CRELD2: variants seen among roughly 807,000 people sequenced by gnomAD.
The protein encoded by CRELD2 is protein disulfide isomerase CRELD2.
Under a neutral mutation model 48.1 loss-of-function variants are expected in CRELD2, and 33 were observed. That is an observed-to-expected ratio of 0.69 (90% CI 0.52 to 0.92). The LOEUF (loss-of-function observed/expected upper bound fraction) is 0.92, where lower values mean the gene tolerates loss of function less well. Among genes scored for constraint, CRELD2 ranks in the 40% least tolerant of loss-of-function variants. The probability of loss-of-function intolerance (pLI) is 0.00; values close to 1 mark genes in which losing one functional copy is unlikely to be tolerated. For missense variants in CRELD2, 477 were observed against 482.4 expected, an observed-to-expected ratio of 0.99 and a Z score of 0.10; for synonymous variants, 220 against 203.9, an observed-to-expected ratio of 1.08 and a Z score of -0.67.
chr22:49,927,517 C>G lies in CRELD2; in HGVS notation c.*210C>G. ...TACAGTTCTTTGTAATAAAATTGAC[C>G]ATTGTAGGTAATCAGGAGGAGAACG... On this transcript the variant is annotated 3_prime_UTR_variant, in exon 10 of 10. Coordinates refer to ENST00000328268, the MANE Select transcript of CRELD2 (RefSeq NM_024324.5). The G allele has an allele frequency of 1.7e-6, 1 of 571,854 alleles. No homozygotes were observed. The highest frequency in any genetic ancestry group is 3.2e-6 in the Non-Finnish European group (1 of 316,922). 35.4% of individuals were successfully genotyped at this position (571,854 alleles called of 1,614,324 possible).
At position 49,925,413 on chromosome 22, in the gene CRELD2, T is replaced by C. The variant is rs751900258; in HGVS notation, c.869-4T>C. On this transcript the variant is annotated splice_polypyrimidine_tract_variant and splice_region_variant and intron_variant, in intron 8 of 9. Coordinates refer to ENST00000328268, the MANE Select transcript of CRELD2 (RefSeq NM_024324.5). ...ATTATTAAAACGGAGTCTTTTCATT[T>C]TAGATGTGGACGAGTGCTCACTAGC... 1.3e-6 allele frequency: 2 copies of C among 1,580,254 alleles called. No homozygotes were observed. The highest frequency in any genetic ancestry group is 8.7e-7 in the Non-Finnish European group (1 of 1,155,288).
intron 3 of CRELD2, among the ~76,000 whole-genome samples, 158 bp downstream of exon 3, chr22:49,919,998 G>A (rs1024368949): frequency 6.6e-6 from 1 of 152,136 alleles, no homozygotes; most frequent in African/African-American, 2.4e-5. Flanking sequence ...CAGAGTCAGC[G>A]ATCAAAACCA....
intron 8 of CRELD2, chr22:49,925,194 C>A (rs2060747557): frequency 2.3e-6 from 1 of 428,704 alleles, no homozygotes. Flanking sequence ...TCCGGCCCCA[C>A]CTGGAGGTCT....
In CRELD2 at chr22:49,923,280, G is replaced by A; in HGVS notation, c.735G>A (p.Gln245=). 1 of 1,610,844 alleles carries A rather than the reference G, an allele frequency of 6.2e-7. No individual in the cohort carries two copies. The highest frequency in any genetic ancestry group is 8.5e-7 in the Non-Finnish European group (1 of 1,179,010). ...AGCCGCCTCCCTGCAGCGCTGCGCA[G>A]TTCTGTAAGAACGCCAACGGCTCCT... is the stretch of plus-strand genomic sequence containing the variant. The part of the protein sequence containing the change: ...AAEPPPCSAA[Q]FCKNANGSYT... The change falls in exon 7 of 10, where the codon CAG becomes CAA. Residue 245 remains glutamine, a synonymous_variant. Coordinates refer to ENST00000328268, the MANE Select transcript of CRELD2 (RefSeq NM_024324.5).
chr22:49,921,888 G>A (rs1601841457), intron 5 of CRELD2, 127 bp downstream of exon 5: 4 of 964,166 alleles, frequency 4.1e-6, no homozygotes, highest in Non-Finnish European at 6.1e-6. Context: ...AGGAAGCTTC[G>A]AGGGCCCAGA....
At chr22:49,922,085 G>A (rs2060694118) in intron 5 of CRELD2, 2 of 639,508 alleles carry the variant, frequency 3.1e-6, no homozygotes, top group Non-Finnish European at 5.3e-6. Context: ...CACCGGCCCA[G>A]AGAGCAGCAT....
Position 49,927,272 on chromosome 22 carries a change from A to G in CRELD2, c.1027A>G (p.Ser343Gly). ...TCTGACAGAAGCCACAGAAGGAGAA[A>G]GCCCGACACAGCTGCCCTCCCGCGA... ...PAEAEATEGESPTQLPSREDL is the reference protein window; with the variant it reads ...PAEAEATEGEGPTQLPSREDL The change falls in exon 10 of 10, where the codon AGC becomes GGC. Residue 343 changes from serine (S) to glycine (G), a missense_variant. By Grantham distance (56) the Ser-to-Gly change is moderately conservative. Coordinates refer to ENST00000328268, the MANE Select transcript of CRELD2 (RefSeq NM_024324.5). 6.2e-7 allele frequency: 1 copy of G among 1,612,430 alleles called. No individual in the cohort carries two copies. Among genetic ancestry groups the G allele is most frequent in the Non-Finnish European group, 8.5e-7 (1 of 1,179,826 alleles).
At chr22:49,919,933 G>A (rs1336382462) in intron 3 of CRELD2, 93 bp downstream of exon 3, 3 of 1,040,828 alleles carry the variant, frequency 2.9e-6, no homozygotes, top group Admixed American at 4.5e-5. Flanking sequence ...GGAACAGTAG[G>A]GAGCTCCCAC....
At position 49,918,747 on chromosome 22, in the gene CRELD2, G is replaced by A. The variant is rs943707029; in HGVS notation, c.-23G>A. ...CCGCAGGACCTGGAGCTCCGGCTGCGTCTTCCCGCAGCGCTACCCGCCATG... is the reference window on the plus strand; with the variant it reads ...CCGCAGGACCTGGAGCTCCGGCTGCATCTTCCCGCAGCGCTACCCGCCATG... On this transcript the variant is annotated 5_prime_UTR_variant, in exon 1 of 10. Transcript: ENST00000328268. The A allele has an allele frequency of 4.0e-6, 4 of 993,518 alleles. No homozygotes were observed. The highest frequency in any genetic ancestry group is 3.3e-5 in the South Asian group (1 of 29,966). 61.5% of individuals were successfully genotyped at this position (993,518 alleles called of 1,614,324 possible).
chr22:49,919,885 C>A, intron 3 of CRELD2, 45 bp downstream of exon 3: 1 of 1,397,690 alleles, frequency 7.2e-7, no homozygotes, highest in Non-Finnish European at 9.9e-7. Context: ...TATTTTCCAA[C>A]TTAGAATTTG....
intron 4 of CRELD2, among the ~76,000 whole-genome samples, chr22:49,920,717 TGAA>T (rs1857892359): frequency 1.3e-5 from 2 of 152,218 alleles, no homozygotes; most frequent in Admixed American, 1.3e-4. Flanking sequence ...GGCTCTTCTG[TGAA>T]GAAGTGTGCA....
intron 5 of CRELD2, chr22:49,922,040 A>G: frequency 1.7e-6 from 1 of 598,470 alleles, no homozygotes; most frequent in Non-Finnish European, 2.9e-6. Flanking sequence ...TGGGCCATGC[A>G]GTGCACAGGT....
At chr22:49,923,026 A>C (rs1429437144) in intron 6 of CRELD2, among the ~76,000 whole-genome samples, 1 of 151,534 alleles carries the variant, frequency 6.6e-6, no homozygotes, top group African/African-American at 2.4e-5. Context: ...GTGTCTAAGG[A>C]CAGGGCCTGG....
rs747040796 is a variant in CRELD2 at position 49,919,272 on chromosome 22, A to G, written c.172A>G (p.Thr58Ala). The change falls in exon 2 of 10, where the codon ACG (threonine) becomes GCG (alanine). Residue 58 changes from threonine (T) to alanine (A), a missense_variant. Transcript: ENST00000328268. ...AAAGAAGAACTTTGGCGGCGGGAAC[A>G]CGGCTTGGGAGGAAAAGACGCTGTC... ...TAKKNFGGGN[T>A]AWEEKTLSKY... is the part of the protein sequence containing the mutation. 1.1e-5 allele frequency: 17 copies of G among 1,613,588 alleles called. No individual in the cohort carries two copies. Among genetic ancestry groups the G allele is most frequent in the African/African-American group, 1.3e-5 (1 of 74,950 alleles).
chr22:49,921,985 CA>C, intron 5 of CRELD2: 1 of 606,344 alleles, frequency 1.6e-6, no homozygotes, highest in Non-Finnish European at 2.9e-6. Flanking sequence ...AGAAGCTACT[CA>C]CCTTTCTCTC....
rs191387531 is a variant in CRELD2 at position 49,925,545 on chromosome 22, C to T, written c.997C>T (p.Pro333Ser). ...AGAAACGGAAGATGCCTGTGTGCCG[C>T]CGGCAGAGGCTGGTGAGTGGCACGG... ...FEETEDACVP[P>S]AEAEATEGES... Residue 333 changes from proline (P) to serine (S), a missense_variant, in exon 9 of 10, where the codon CCG becomes TCG. Coordinates refer to ENST00000328268, the MANE Select transcript of CRELD2 (RefSeq NM_024324.5). The T allele has an allele frequency of 4.0e-5, 65 of 1,613,690 alleles. No homozygotes were observed. In the Admixed American group the frequency reaches 1.0e-3, roughly 26 times the overall value.
At position 49,922,221 on chromosome 22, in the gene CRELD2, C is replaced by G; in HGVS notation, c.593-391C>G. The stretch of plus-strand genomic sequence containing the variant: ...TGAGTGTGTGGTTGGCCGGCAGCCC[C>G]TAGGCTATTCTGGGCAGACAGACCC... On this transcript the variant is annotated intron_variant, in intron 5 of 9. Transcript: ENST00000328268. 2.0e-6 allele frequency: 3 copies of G among 1,487,572 alleles called. No homozygotes were observed. The South Asian group carries it at 3.9e-5, about 20-fold the overall frequency. The allele number at this position is 1,487,572 out of a possible 1,614,324, so 92.1% of individuals were successfully genotyped here. A position where few individuals can be genotyped will look rare whatever the true frequency, so the allele number is the denominator to read the frequency against.
intron 7 of CRELD2, chr22:49,923,870 T>C: frequency 4.0e-6 from 1 of 248,398 alleles, no homozygotes; most frequent in Non-Finnish European, 7.9e-6. Flanking sequence ...AGAGCCATAG[T>C]GCCCCAGAAA....
chr22:49,925,386 T>G lies in CRELD2; in HGVS notation c.869-31T>G, dbSNP rs369822727. On this transcript the variant is annotated intron_variant, in intron 8 of 9. Coordinates refer to ENST00000328268, the MANE Select transcript of CRELD2 (RefSeq NM_024324.5). ...TCCGCTGCGCGTCTGCTGAGCAAAG[T>G]AATTATTAAAACGGAGTCTTTTCAT... The G allele has an allele frequency of 1.8e-5, 26 of 1,409,084 alleles. No individual in the cohort carries two copies. In the African/African-American group the frequency reaches 2.8e-4, roughly 15 times the overall value. 87.3% of individuals were successfully genotyped at this position (1,409,084 alleles called of 1,614,324 possible).
Sources: gnomAD v4.1 joint callset for allele counts (sites outside exome capture counted in the v4.1 genomes callset) on GRCh38, gnomAD v4.1.1 for gene constraint, MANE v1.5 for transcripts, NCBI Gene and HGNC (gene_info 2026-07-23, HGNC 2026-07-21) for gene names.